Variants in ADAMTSL1 observed in about 807,000 individuals in gnomAD.
The protein encoded by ADAMTSL1 is ADAMTS-like protein 1.
ADAMTSL1 carries 126 observed loss-of-function variants against 201.8 expected under a neutral mutation model. That is an observed-to-expected ratio of 0.62 (90% CI 0.54 to 0.72). The LOEUF (loss-of-function observed/expected upper bound fraction) is 0.72. Ranked by LOEUF, ADAMTSL1 falls within the 30% of genes least tolerant of loss-of-function variation. ADAMTSL1 has a pLI of 0.00. For missense variants in ADAMTSL1, 2,679 were observed against 2,277.8 expected, an observed-to-expected ratio of 1.18 and a Z score of -3.59; for synonymous variants, 1,121 against 903.4, an observed-to-expected ratio of 1.24 and a Z score of -4.32.
At chr9:18,462,953 AAAAATAAAAAAT>A (rs1464903211) in intron 2 of ADAMTSL1, among the ~76,000 whole-genome samples, 1 of 151,970 alleles carries the variant, frequency 6.6e-6, no homozygotes, top group Non-Finnish European at 1.5e-5. Flanking sequence ...AAATAAAAAT[AAAAATAAAAAAT>A]AAAATAAAAA....
At chr9:18,424,477 T>C (rs771324346) in intron 2 of ADAMTSL1, among the ~76,000 whole-genome samples, 29 of 152,050 alleles carry the variant, frequency 1.9e-4, no homozygotes, top group Middle Eastern at 3.2e-3. Flanking sequence ...ACATAATAAG[T>C]GCACAAAAAA....
In ADAMTSL1 at chr9:18,905,878, A is replaced by G. The variant is rs754229855; in HGVS notation, c.4948A>G (p.Ser1650Gly). The G allele has an allele frequency of 6.2e-7, 1 of 1,611,428 alleles. No homozygotes were observed. Among genetic ancestry groups the G allele is most frequent in the Non-Finnish European group, 8.5e-7 (1 of 1,178,652 alleles). ...CATCACCTTACCATCAGAGCAGTGC[A>G]GTGCTCTTCCGAGGTAAGAGAAAGC... ...DGITLPSEQCSALPRPVSTQN... is the reference protein window; with the variant it reads ...DGITLPSEQCGALPRPVSTQN... The change falls in exon 27 of 29, where the codon AGT becomes GGT. Residue 1650 changes from serine to glycine, a missense_variant. Transcript: ENST00000380548.
chr9:17,978,635 C>G (rs1341712795), intron 1 of ADAMTSL1, among the ~76,000 whole-genome samples: 1 of 152,028 alleles, frequency 6.6e-6, no homozygotes, highest in Non-Finnish European at 1.5e-5. Flanking sequence ...ATATGATGTA[C>G]TCATTAACAA....
At chr9:18,378,918 G>A (rs926548606) in intron 2 of ADAMTSL1, among the ~76,000 whole-genome samples, 1 of 152,182 alleles carries the variant, frequency 6.6e-6, no homozygotes, top group African/African-American at 2.4e-5. Flanking sequence ...GGAAGGGATA[G>A]GGTTGAGAAT....
At chr9:17,953,707 A>G (rs907178921) in intron 1 of ADAMTSL1, among the ~76,000 whole-genome samples, 4 of 152,182 alleles carry the variant, frequency 2.6e-5, no homozygotes, top group African/African-American at 9.6e-5. Flanking sequence ...AAGAAAAAGG[A>G]TATGCTTGTA....
intron 2 of ADAMTSL1, among the ~76,000 whole-genome samples, chr9:18,413,282 A>G (rs1818530037): frequency 6.6e-6 from 1 of 151,710 alleles, no homozygotes; most frequent in South Asian, 2.1e-4. Context: ...CTCCTGCCTC[A>G]GCCTCCTGAG....
chr9:18,812,364 C>A (rs1823558080), intron 20 of ADAMTSL1, among the ~76,000 whole-genome samples: 1 of 152,092 alleles, frequency 6.6e-6, no homozygotes, highest in African/African-American at 2.4e-5. Flanking sequence ...AATTAGACAT[C>A]CATAGTCAAA....
At chr9:18,238,266 C>CAGAAGAAAAAAGA (rs1318488453) in intron 2 of ADAMTSL1, among the ~76,000 whole-genome samples, 1 of 152,106 alleles carries the variant, frequency 6.6e-6, no homozygotes, top group Non-Finnish European at 1.5e-5. Flanking sequence ...CATAGAAATA[C>CAGAAGAAAAAAGA]AGAAGAAAAA....
Position 18,759,346 on chromosome 9 carries a change from G to T in ADAMTSL1, c.2217+5838G>T, listed in dbSNP as rs1439303989. ...TTTAATGATAACTATAAATGCCTGA[G>T]AATTAAAGTTTTCATTTTCTAGATT... On this transcript the variant is annotated intron_variant, in intron 16 of 28. Transcript: ENST00000380548. Among the ~76,000 whole-genome samples the T allele has an allele frequency of 2.6e-5, 4 of 152,266 alleles. No homozygotes were observed. The East Asian group carries it at 7.7e-4, about 29-fold the overall frequency.
intron 1 of ADAMTSL1, among the ~76,000 whole-genome samples, chr9:17,984,273 C>T (rs1210665441): frequency 1.3e-5 from 2 of 152,164 alleles, no homozygotes; most frequent in African/African-American, 2.4e-5. Context: ...TTCATACTCT[C>T]AGCACCCAGA....
intron 14 of ADAMTSL1, among the ~76,000 whole-genome samples, chr9:18,715,468 C>T (rs953202016): frequency 5.3e-5 from 8 of 151,908 alleles, no homozygotes; most frequent in Admixed American, 1.3e-4. Flanking sequence ...CCAAATCATG[C>T]GTGAACTCCC....
chr9:18,446,519 C>A (rs773688676), intron 2 of ADAMTSL1, among the ~76,000 whole-genome samples: 20 of 152,222 alleles, frequency 1.3e-4, no homozygotes, highest in Non-Finnish European at 1.3e-4. Context: ...AGCAAGGATG[C>A]CTGTGCAGGC....
chr9:18,091,068 CATGTGTGTGTGT>C (rs1188592759), intron 1 of ADAMTSL1, among the ~76,000 whole-genome samples: 1 of 147,544 alleles, frequency 6.8e-6, no homozygotes, highest in Non-Finnish European at 1.5e-5. Context: ...TGTGTATATG[CATGTGTGTGTGT>C]GTGTGTGTGT....
At chr9:17,944,032 A>T (rs1827351564) in intron 1 of ADAMTSL1, among the ~76,000 whole-genome samples, 1 of 151,978 alleles carries the variant, frequency 6.6e-6, no homozygotes, top group African/African-American at 2.4e-5. Flanking sequence ...GCCATGAGCA[A>T]TCCACCCTAT....
chr9:18,357,681 A>G (rs116644785), intron 2 of ADAMTSL1, among the ~76,000 whole-genome samples: 30 of 152,274 alleles, frequency 2.0e-4, no homozygotes, highest in African/African-American at 7.0e-4. Flanking sequence ...AGTATAGTCA[A>G]ATATAGTGCC....
intron 19 of ADAMTSL1, chr9:18,793,156 C>A (rs764353213): frequency 7.2e-5 from 11 of 152,218 alleles, no homozygotes; most frequent in Non-Finnish European, 1.2e-4. Flanking sequence ...CTTCCTTTAA[C>A]TAAGGTGTCT....
At chr9:18,249,089 C>T (rs757934209) in intron 2 of ADAMTSL1, among the ~76,000 whole-genome samples, 1 of 152,078 alleles carries the variant, frequency 6.6e-6, no homozygotes, top group East Asian at 1.9e-4. Context: ...CTGGAGGCAT[C>T]CGTGATGCGA....
At chr9:18,643,307 T>A (rs763384997) in intron 7 of ADAMTSL1, among the ~76,000 whole-genome samples, 1 of 152,128 alleles carries the variant, frequency 6.6e-6, no homozygotes, top group African/African-American at 2.4e-5. Context: ...TTCTTGTATA[T>A]TTTGGGTATT....
chr9:18,664,038 A>C lies in ADAMTSL1; in HGVS notation c.1085+1965A>C, dbSNP rs1262302025. On this transcript the variant is annotated intron_variant, in intron 9 of 28. Coordinates refer to ENST00000380548, the MANE Select transcript of ADAMTSL1 (RefSeq NM_001040272.6). ...CTATGTAAAAAAGAAAGACACAAAG[A>C]AAGATAAGTGAGAAAAGGGAAAAGA... 2.6e-5 allele frequency among the ~76,000 whole-genome samples: 4 copies of C among 152,108 alleles called. No homozygotes were observed. In the East Asian group the frequency reaches 7.7e-4, roughly 29 times the overall value.
Sources: gnomAD v4.1 joint callset for allele counts (sites outside exome capture counted in the v4.1 genomes callset) on GRCh38, gnomAD v4.1.1 for gene constraint, MANE v1.5 for transcripts, NCBI Gene and HGNC (gene_info 2026-07-23, HGNC 2026-07-21) for gene names.